The following SLC24A2 variants were observed in gnomAD, a reference collection of about 807,000 sequenced individuals.
The protein encoded by SLC24A2 is solute carrier family 24 member 2.
In SLC24A2, 36 loss-of-function variants were observed where a neutral mutation model predicts 62.0. The ratio of observed to expected loss-of-function variants is 0.58; its 90% CI spans 0.44 to 0.77. SLC24A2 has a LOEUF of 0.77. Ranked by LOEUF, SLC24A2 falls within the 30% of genes least tolerant of loss-of-function variation. SLC24A2 has a pLI of 0.00. For synonymous variants in SLC24A2, 358 were observed against 294.0 expected, an observed-to-expected ratio of 1.22 and a Z score of -2.23; for missense variants, 846 against 817.9, an observed-to-expected ratio of 1.03 and a Z score of -0.42.
chr9:20,128,883 C>G, the SLC24A2 span, among the ~76,000 whole-genome samples: 1 of 151,894 alleles, frequency 6.6e-6, no homozygotes, highest in Non-Finnish European at 1.5e-5. Flanking sequence ...TTGGATTTAG[C>G]AAAGGACTCG....
chr9:20,256,463 T>C, the SLC24A2 span, among the ~76,000 whole-genome samples: 2 of 152,292 alleles, frequency 1.3e-5, no homozygotes, highest in East Asian at 3.9e-4. Context: ...AAGTAGAGTG[T>C]CTGGGCCTGC....
the SLC24A2 span, among the ~76,000 whole-genome samples, chr9:19,920,267 T>C: frequency 2.3e-4 from 35 of 152,336 alleles, no homozygotes; most frequent in South Asian, 6.6e-3. Context: ...TTCTTGCAGA[T>C]TGACTTTGTT....
the SLC24A2 span, among the ~76,000 whole-genome samples, chr9:19,849,009 G>A: frequency 3.8e-4 from 58 of 152,226 alleles, no homozygotes; most frequent in African/African-American, 1.4e-3. Flanking sequence ...ACACCCTAGA[G>A]TGGGAGGCAG....
chr9:19,899,411 T>C, the SLC24A2 span, among the ~76,000 whole-genome samples: 164 of 152,324 alleles, frequency 1.1e-3, 3 homozygotes, highest in East Asian at 0.027. Flanking sequence ...TGGTACTTCC[T>C]GAGTCTTGAA....
At chr9:19,948,866 AT>A in the SLC24A2 span, among the ~76,000 whole-genome samples, 2,211 of 66,478 alleles carry the variant, frequency 0.033, 81 homozygotes, top group Non-Finnish European at 0.058. Context: ...AAAAAAAAAA[AT>A]GAAAACAGAG....
At chr9:20,181,486 T>C in the SLC24A2 span, among the ~76,000 whole-genome samples, 9 of 152,114 alleles carry the variant, frequency 5.9e-5, no homozygotes, top group African/African-American at 2.2e-4. Flanking sequence ...ACACCACACA[T>C]CTACAACCAT....
the SLC24A2 span, among the ~76,000 whole-genome samples, chr9:20,225,574 A>ATTATATATATAATATATATATAATATAT: frequency 3.3e-5 from 3 of 90,856 alleles, no homozygotes; most frequent in Admixed American, 1.2e-4. Context: ...ATATATATAT[A>ATTATATATATAATATATATATAATATAT]ATTTCATTTA....
At chr9:19,936,455 G>A in the SLC24A2 span, among the ~76,000 whole-genome samples, 2 of 152,050 alleles carry the variant, frequency 1.3e-5, no homozygotes, top group East Asian at 3.9e-4. Context: ...TGTATTTTTT[G>A]CAGAAACGAG....
chr9:20,071,390 T>G, the SLC24A2 span, among the ~76,000 whole-genome samples: 2 of 152,148 alleles, frequency 1.3e-5, no homozygotes, highest in African/African-American at 4.8e-5. Context: ...AATGCCTTAC[T>G]CTTCTCTCAA....
intron 2 of SLC24A2, among the ~76,000 whole-genome samples, chr9:19,775,164 C>A (rs1353191965): frequency 6.6e-6 from 1 of 152,186 alleles, no homozygotes; most frequent in Non-Finnish European, 1.5e-5. Flanking sequence ...CCTTTCCAAA[C>A]CCACCAGTTT....
the SLC24A2 span, among the ~76,000 whole-genome samples, chr9:20,204,471 C>A: frequency 4.6e-5 from 7 of 152,162 alleles, 1 homozygote; most frequent in Non-Finnish European, 1.0e-4. Flanking sequence ...GAATGCTTGA[C>A]AACACACACA....
intron 8 of SLC24A2, among the ~76,000 whole-genome samples, chr9:19,547,684 A>G (rs1834650064): frequency 1.3e-5 from 2 of 151,622 alleles, no homozygotes; most frequent in East Asian, 3.9e-4. Flanking sequence ...GTATGCAAAC[A>G]TCCTCTCATC....
At chr9:19,683,179 A>AC (rs1471657341) in intron 2 of SLC24A2, among the ~76,000 whole-genome samples, 88 of 152,306 alleles carry the variant, frequency 5.8e-4, no homozygotes, top group African/African-American at 2.0e-3. Context: ...ACTGTATGCT[A>AC]GACGCTGTAA....
the SLC24A2 span, among the ~76,000 whole-genome samples, chr9:20,115,644 C>T: frequency 2.6e-5 from 4 of 152,122 alleles, no homozygotes; most frequent in Non-Finnish European, 2.9e-5. Context: ...CCTTTGAAGG[C>T]TTGATTTATG....
intron 7 of SLC24A2, among the ~76,000 whole-genome samples, chr9:19,551,428 G>T (rs1586943169): frequency 6.6e-6 from 1 of 152,056 alleles, no homozygotes; most frequent in African/African-American, 2.4e-5. Context: ...GCCCAGCAGG[G>T]GGTGACCGTT....
the SLC24A2 span, among the ~76,000 whole-genome samples, chr9:20,258,764 TTATCTATCTATCTATC>T: frequency 3.4e-4 from 48 of 139,706 alleles, no homozygotes; most frequent in South Asian, 3.0e-3. Flanking sequence ...CTCCTCTCAT[TTATCTATCTATCTATC>T]TATCTATCTA....
intron 9 of SLC24A2, among the ~76,000 whole-genome samples, chr9:19,526,729 G>A (rs140328404): frequency 6.1e-4 from 93 of 152,180 alleles, no homozygotes; most frequent in African/African-American, 1.5e-3. Context: ...CTTTAAGCTT[G>A]TATCTTGGAT....
At chr9:20,085,131 G>A in the SLC24A2 span, among the ~76,000 whole-genome samples, 1 of 152,136 alleles carries the variant, frequency 6.6e-6, no homozygotes, top group African/African-American at 2.4e-5. Context: ...GAGTAGCTGG[G>A]ACTACAGGAG....
the SLC24A2 span, among the ~76,000 whole-genome samples, chr9:20,192,001 C>T: frequency 2.0e-5 from 3 of 152,064 alleles, no homozygotes; most frequent in Admixed American, 2.0e-4. Flanking sequence ...CAGGTCCAAC[C>T]AAACCAAAGC....
Sources: gnomAD v4.1 joint callset for allele counts (sites outside exome capture counted in the v4.1 genomes callset) on GRCh38, gnomAD v4.1.1 for gene constraint, MANE v1.5 for transcripts, NCBI Gene and HGNC (gene_info 2026-07-23, HGNC 2026-07-21) for gene names.